The following CACNA1A variants were observed in gnomAD, a reference collection of about 807,000 sequenced individuals.
The protein encoded by CACNA1A is calcium voltage-gated channel subunit alpha1 A.
Under a neutral mutation model 262.4 loss-of-function variants are expected in CACNA1A, and 57 were observed. The ratio of observed to expected loss-of-function variants is 0.22; its 90% CI spans 0.18 to 0.27. CACNA1A has a LOEUF of 0.27. Among genes scored for constraint, CACNA1A ranks in the 10% least tolerant of loss-of-function variants. The pLI is 1.00. For synonymous variants in CACNA1A, 1,431 were observed against 1,419.3 expected, an observed-to-expected ratio of 1.01 and a Z score of -0.18; for missense variants, 2,526 against 3,562.8, an observed-to-expected ratio of 0.71 and a Z score of 7.41.
At chr19:13,221,234 C>CTTTCTTTCTTTTTCTTTCTT (rs1555734435) in intron 38 of CACNA1A, among the ~76,000 whole-genome samples, 16 of 36,270 alleles carry the variant, frequency 4.4e-4, no homozygotes, top group East Asian at 1.4e-3. Context: ...TTCTTTCTTT[C>CTTTCTTTCTTTTTCTTTCTT]TTTTTTTTTT....
At chr19:13,210,875 C>T in intron 43 of CACNA1A, 1 of 612,948 alleles carries the variant, frequency 1.6e-6, no homozygotes, top group Middle Eastern at 4.4e-4. Context: ...GTCCTCTATT[C>T]CCATGGGTAC....
intron 35 of CACNA1A, 57 bp downstream of exon 35, chr19:13,231,653 T>G: frequency 6.4e-7 from 1 of 1,554,884 alleles, no homozygotes; most frequent in African/African-American, 1.4e-5. Flanking sequence ...CCCACTCCCC[T>G]GAAAGGAAGC....
chr19:13,465,017 C>T (rs1023210851), intron 1 of CACNA1A, among the ~76,000 whole-genome samples: 10 of 152,080 alleles, frequency 6.6e-5, no homozygotes, highest in African/African-American at 2.2e-4. Context: ...CAGCCTCCAC[C>T]TCCTGGGTGC....
chr19:13,325,869 T>C (rs754778854), intron 10 of CACNA1A, among the ~76,000 whole-genome samples: 4 of 152,236 alleles, frequency 2.6e-5, no homozygotes, highest in Admixed American at 6.5e-5. Context: ...AGTTAACATA[T>C]GCATTATTAC....
intron 1 of CACNA1A, among the ~76,000 whole-genome samples, chr19:13,500,159 G>T (rs992864292): frequency 2.0e-5 from 3 of 152,184 alleles, no homozygotes; most frequent in African/African-American, 4.8e-5. Flanking sequence ...ATCCTAAAAC[G>T]TTGGCACAAG....
chr19:13,429,945 G>A (rs1272890342), intron 3 of CACNA1A, among the ~76,000 whole-genome samples: 2 of 144,342 alleles, frequency 1.4e-5, no homozygotes, highest in Non-Finnish European at 3.0e-5. Flanking sequence ...CTAGAACGGC[G>A]GGTGCCAGGG....
chr19:13,387,573 T>G (rs2059636496), intron 3 of CACNA1A, among the ~76,000 whole-genome samples: 1 of 152,158 alleles, frequency 6.6e-6, no homozygotes, highest in Non-Finnish European at 1.5e-5. Context: ...TCAGCCAAAC[T>G]CATGCCTTCA....
intron 38 of CACNA1A, among the ~76,000 whole-genome samples, chr19:13,223,018 T>C (rs2055295104): frequency 6.6e-6 from 1 of 151,850 alleles, no homozygotes; most frequent in African/African-American, 2.4e-5. Flanking sequence ...AAAAAATGTT[T>C]TTTTCTTTTT....
rs2057955785 is a variant in CACNA1A at position 13,308,619 on chromosome 19, CA to C, written c.1669-92del. The stretch of plus-strand genomic sequence containing the variant: ...CCTAGGTACCAACCTTGCAAGAACT[CA>C]ACCAAACTCCTCCCTCCAAATGGAA... On this transcript the variant is annotated intron_variant, in intron 12 of 46. Coordinates refer to ENST00000360228, the MANE Select transcript of CACNA1A (RefSeq NM_001127222.2). This position sits in a 1 kb window ranked among gnomAD's most constrained non-coding sequence, Gnocchi z 4.2. 1 of 709,246 alleles carries C rather than the reference CA, an allele frequency of 1.4e-6. No homozygotes were observed. Among genetic ancestry groups the C allele is most frequent in the African/African-American group, 1.8e-5 (1 of 55,906 alleles). 43.9% of individuals were successfully genotyped at this position (709,246 alleles called of 1,614,324 possible).
At chr19:13,425,026 G>A (rs74943336) in intron 3 of CACNA1A, among the ~76,000 whole-genome samples, 31,211 of 151,906 alleles carry the variant, frequency 0.21, 4,090 homozygotes, top group Non-Finnish European at 0.27. Flanking sequence ...GGCTGGTCTC[G>A]AACTCCTGAC....
chr19:13,464,427 T>TA (rs1158683044), intron 1 of CACNA1A, among the ~76,000 whole-genome samples: 2 of 151,874 alleles, frequency 1.3e-5, no homozygotes, highest in African/African-American at 4.8e-5. Context: ...TACATTTTTT[T>TA]AAAAAAGAAA....
At chr19:13,232,728 G>A (rs550786821) in intron 34 of CACNA1A, among the ~76,000 whole-genome samples, 2 of 128,952 alleles carry the variant, frequency 1.6e-5, no homozygotes, top group African/African-American at 6.0e-5. Context: ...GGGAGATTCT[G>A]TCTCAAAAAA....
At chr19:13,334,546 C>T (rs918448750) in intron 7 of CACNA1A, 53 bp from the exon 8 acceptor site, 29 of 834,762 alleles carry the variant, frequency 3.5e-5, no homozygotes, top group African/African-American at 6.2e-5. Flanking sequence ...TGTTAGGAAA[C>T]GTTTGTGTGT....
chr19:13,354,050 G>A (rs907424767), intron 6 of CACNA1A, among the ~76,000 whole-genome samples: 3 of 152,096 alleles, frequency 2.0e-5, no homozygotes, highest in Admixed American at 6.5e-5. Context: ...TGTCTTCTTC[G>A]TTGCAGTGTC....
intron 6 of CACNA1A, among the ~76,000 whole-genome samples, chr19:13,358,826 A>G (rs2059052203): frequency 6.6e-6 from 1 of 152,132 alleles, no homozygotes; most frequent in Non-Finnish European, 1.5e-5. Flanking sequence ...CTTCCTTTAC[A>G]CTTTGGAAGG....
intron 27 of CACNA1A, chr19:13,257,991 C>G (rs528718157): frequency 6.4e-6 from 1 of 156,376 alleles, no homozygotes; most frequent in African/African-American, 2.4e-5. Flanking sequence ...CCACCTGCCT[C>G]GGTCTCCCAA....
chr19:13,488,998 CTTTT>C (rs1568698290), intron 1 of CACNA1A, among the ~76,000 whole-genome samples: 1 of 102,708 alleles, frequency 9.7e-6, no homozygotes, highest in African/African-American at 4.9e-5. Context: ...AATTTCTTTT[CTTTT>C]CTTTTTTTTT....
At chr19:13,334,593 TTG>T (rs138143360) in intron 7 of CACNA1A, 100 bp from the exon 8 acceptor site, 243 of 505,390 alleles carry the variant, frequency 4.8e-4, no homozygotes, top group African/African-American at 1.2e-3. Flanking sequence ...GTGTGTGTGT[TTG>T]TGTGTGTGTG....
intron 1 of CACNA1A, among the ~76,000 whole-genome samples, chr19:13,477,438 T>G (rs531848967): frequency 1.3e-5 from 2 of 152,240 alleles, no homozygotes; most frequent in Non-Finnish European, 2.9e-5. Context: ...TTGGCCACCA[T>G]GTATACTCCT....
Sources: allele counts gnomAD v4.1 joint callset (sites outside exome capture counted in the v4.1 genomes callset), GRCh38; gene constraint gnomAD v4.1.1; non-coding constraint Gnocchi (gnomAD v3.1); transcripts MANE v1.5; gene names NCBI Gene and HGNC (gene_info 2026-07-23, HGNC 2026-07-21).